PRDM11: variants seen among roughly 807,000 people sequenced by gnomAD.
The protein encoded by PRDM11 is PR/SET domain 11.
In PRDM11, 20 loss-of-function variants were observed where a neutral mutation model predicts 97.8. The observed-to-expected ratio is 0.20, with a 90% CI of 0.14 to 0.30. The LOEUF is 0.30. Among genes scored for constraint, PRDM11 ranks in the 10% least tolerant of loss-of-function variants. PRDM11 has a pLI of 1.00. For missense variants in PRDM11, 1,139 were observed against 1,555.2 expected, an observed-to-expected ratio of 0.73 and a Z score of 4.50; for synonymous variants, 599 against 637.7, an observed-to-expected ratio of 0.94 and a Z score of 0.91.
rs1565215446 is a variant in PRDM11, at chr11:45,095,863, CTGAGA to C, written c.61_65del (p.Arg21LeufsTer54). The C allele has an allele frequency of 2.6e-6, 2 of 780,658 alleles. No individual in the cohort carries two copies. Among genetic ancestry groups the C allele is most frequent in the South Asian group, 2.7e-5 (2 of 74,580 alleles). The allele number at this position is 780,658 out of a possible 1,614,324, so 48.4% of individuals were successfully genotyped here. ...GATGATCGTGGAGTGCCGGGCCTGCCTGAGATGCTCACCTCTCTTCCTTTACCAGA... is the reference window on the plus strand; with the variant it reads ...GATGATCGTGGAGTGCCGGGCCTGCCTGCTCACCTCTCTTCCTTTACCAGA... On this transcript the variant is annotated frameshift_variant, in exon 1 of 7. Coordinates refer to the PRDM11 transcript ENST00000530656. LOFTEE classifies it high-confidence loss of function.
At chr11:45,203,008 G>C (rs1321937351) in intron 4 of PRDM11, among the ~76,000 whole-genome samples, 1 of 152,156 alleles carries the variant, frequency 6.6e-6, no homozygotes, top group African/African-American at 2.4e-5. Flanking sequence ...CCATAAATAT[G>C]AGTTTTATTG....
intron 4 of PRDM11, among the ~76,000 whole-genome samples, chr11:45,190,262 C>T (rs1852862721): frequency 6.6e-6 from 1 of 151,808 alleles, no homozygotes; most frequent in Non-Finnish European, 1.5e-5. Context: ...TTTTACCACC[C>T]CAGCCTCCCA....
upstream of PRDM11, among the ~76,000 whole-genome samples, chr11:45,144,576 C>T (rs911986932): frequency 1.2e-4 from 19 of 152,324 alleles, no homozygotes; most frequent in African/African-American, 4.3e-4. Flanking sequence ...TGGGACCACT[C>T]CCCTCCTTTA....
chr11:45,095,251 G>T (rs1851873499), upstream of PRDM11, among the ~76,000 whole-genome samples: 1 of 152,202 alleles, frequency 6.6e-6, no homozygotes, highest in African/African-American at 2.4e-5. Context: ...CGTGGGGACA[G>T]GAATCTACAG....
chr11:45,215,317 A>G (rs1353304256), intron 5 of PRDM11, among the ~76,000 whole-genome samples: 2 of 152,242 alleles, frequency 1.3e-5, no homozygotes, highest in Non-Finnish European at 2.9e-5. Flanking sequence ...CTCAGGCAGG[A>G]AATCCCCTAG....
chr11:45,205,421 C>A (rs1307331734), intron 5 of PRDM11, among the ~76,000 whole-genome samples: 2 of 152,070 alleles, frequency 1.3e-5, no homozygotes, highest in East Asian at 3.9e-4. Flanking sequence ...ATGGTCTGTG[C>A]CATGTGCGAG....
At chr11:45,128,325 C>T (rs1024389766) in intron 1 of PRDM11, among the ~76,000 whole-genome samples, 58 of 152,332 alleles carry the variant, frequency 3.8e-4, no homozygotes, top group African/African-American at 1.1e-3. Flanking sequence ...CGCCCTGCTT[C>T]GGCTCGCACA....
intron 5 of PRDM11, chr11:45,215,767 C>T (rs1003481952): frequency 6.6e-6 from 1 of 152,242 alleles, no homozygotes; most frequent in African/African-American, 2.4e-5. Context: ...GGATGTGTGA[C>T]CCAAAGCCCC....
At chr11:45,207,616 C>T (rs1853564742) in intron 5 of PRDM11, among the ~76,000 whole-genome samples, 1 of 152,206 alleles carries the variant, frequency 6.6e-6, no homozygotes, top group Non-Finnish European at 1.5e-5. Flanking sequence ...TAGCCCTGGA[C>T]AGTGACACTA....
At chr11:45,191,011 A>T in intron 4 of PRDM11, among the ~76,000 whole-genome samples, 1 of 152,184 alleles carries the variant, frequency 6.6e-6, no homozygotes, top group East Asian at 1.9e-4. Flanking sequence ...CCTAATTGCC[A>T]TTAGTAACAT....
Position 45,181,759 on chromosome 11 carries a change from A to C in PRDM11, c.-6-2A>C. The stretch of plus-strand genomic sequence containing the variant: ...GTGCTGGTCCCACCTCCTGCGTCCC[A>C]GGACAGAATGACCGAGAACATGAAG... On this transcript the variant is annotated splice_acceptor_variant, in intron 1 of 7. Coordinates refer to ENST00000683152, the MANE Select transcript of PRDM11 (RefSeq NM_001384648.1). LOFTEE classifies it low-confidence loss of function (5UTR_SPLICE). 3 of 1,611,986 alleles carry C rather than the reference A, an allele frequency of 1.9e-6. No individual in the cohort carries two copies. The South Asian group carries it at 3.3e-5, about 18-fold the overall frequency.
At chr11:45,094,615 C>T (rs1308789010), upstream of PRDM11, among the ~76,000 whole-genome samples, 3 of 101,346 alleles carry the variant, frequency 3.0e-5, no homozygotes, top group Non-Finnish European at 5.9e-5. Flanking sequence ...GAGGGGAGGA[C>T]TGAAGGGAGG....
intron 1 of PRDM11, among the ~76,000 whole-genome samples, chr11:45,161,898 C>T (rs1052511795): frequency 2.6e-5 from 4 of 152,212 alleles, no homozygotes; most frequent in African/African-American, 4.8e-5. Context: ...GGAGGTCATG[C>T]GACTCTCCCA....
At chr11:45,156,941 G>A (rs1384598676) in intron 1 of PRDM11, among the ~76,000 whole-genome samples, 4 of 152,184 alleles carry the variant, frequency 2.6e-5, no homozygotes, top group Admixed American at 6.5e-5. Context: ...AATGGCAAGC[G>A]GTCATGGGTG....
At chr11:45,194,354 C>T (rs1341852762) in intron 4 of PRDM11, among the ~76,000 whole-genome samples, 2 of 152,012 alleles carry the variant, frequency 1.3e-5, no homozygotes, top group East Asian at 3.9e-4. Context: ...CTGGCTTTGC[C>T]GCAGAAGATT....
At chr11:45,208,551 A>T (rs1004813513) in intron 5 of PRDM11, among the ~76,000 whole-genome samples, 2 of 152,172 alleles carry the variant, frequency 1.3e-5, no homozygotes, top group African/African-American at 4.8e-5. Flanking sequence ...TGTGGTTGTT[A>T]TTCTGGACAG....
At chr11:45,150,794 A>T (rs930319168) in intron 1 of PRDM11, among the ~76,000 whole-genome samples, 7 of 152,202 alleles carry the variant, frequency 4.6e-5, no homozygotes, top group South Asian at 2.1e-4. Context: ...AGGAAGAAGA[A>T]GATGTTGATG....
At chr11:45,114,203 A>G (rs1046751630) in intron 1 of PRDM11, among the ~76,000 whole-genome samples, 7 of 152,162 alleles carry the variant, frequency 4.6e-5, no homozygotes, top group Non-Finnish European at 8.8e-5. Flanking sequence ...AAAAATGTTT[A>G]TAATGAATGA....
intron 1 of PRDM11, among the ~76,000 whole-genome samples, chr11:45,118,877 G>A (rs1852359767): frequency 6.6e-6 from 1 of 152,180 alleles, no homozygotes; most frequent in African/African-American, 2.4e-5. Context: ...AAGAAAAAAT[G>A]CATGAAATTG....
Sources: gnomAD v4.1 joint callset for allele counts (sites outside exome capture counted in the v4.1 genomes callset) on GRCh38, gnomAD v4.1.1 for gene constraint, MANE v1.5 for transcripts, NCBI Gene and HGNC (gene_info 2026-07-23, HGNC 2026-07-21) for gene names.